FAM184B: variants seen among roughly 807,000 people sequenced by gnomAD.
FAM184B encodes protein FAM184B.
Under a neutral mutation model 135.9 loss-of-function variants are expected in FAM184B, and 111 were observed. The observed-to-expected ratio is 0.82, with a 90% CI of 0.70 to 0.96. The LOEUF (loss-of-function observed/expected upper bound fraction) is 0.96. Ranked by LOEUF, FAM184B falls within the 40% of genes least tolerant of loss-of-function variation. FAM184B has a pLI of 0.00. For synonymous variants in FAM184B, 552 were observed against 524.8 expected (o/e 1.05, Z -0.71); for missense variants, 1,375 against 1,323.9 (o/e 1.04, Z -0.60).
chr4:17,707,696 G>T lies in FAM184B; in HGVS notation c.983C>A (p.Ala328Asp). Residue 328 changes from alanine to aspartate, a missense_variant, in exon 3 of 18, where the codon GCC (alanine) becomes GAC (aspartate). Ala to Asp is a moderately radical substitution (Grantham distance 126). Coordinates refer to ENST00000265018, the MANE Select transcript of FAM184B (RefSeq NM_015688.2). ...AKKLGEKLAV[A>D]KDRMMLQECR... ...CTCCTGCAGCATCATTCTGTCTTTG[G>T]CAACAGCCAGCTTCTCCCCAAGTTT... is the stretch of plus-strand genomic sequence containing the variant. The T allele has an allele frequency of 6.4e-7, 1 of 1,551,776 alleles. No homozygotes were observed. The highest frequency in any genetic ancestry group is 2.4e-5 in the East Asian group (1 of 40,924).
intron 1 of FAM184B, among the ~76,000 whole-genome samples, chr4:17,723,939 G>T (rs1053212145): frequency 6.6e-6 from 1 of 152,080 alleles, no homozygotes; most frequent in South Asian, 2.1e-4. Context: ...CCAGTAGCAC[G>T]TCATCACATC....
intron 7 of FAM184B, 108 bp downstream of exon 7, chr4:17,688,316 G>T: frequency 1.3e-6 from 1 of 766,354 alleles, no homozygotes; most frequent in Non-Finnish European, 2.1e-6. Context: ...GTGTCGAGGA[G>T]AGATGTAAAA....
At chr4:17,682,931 T>C (rs1716482504) in intron 7 of FAM184B, among the ~76,000 whole-genome samples, 1 of 152,210 alleles carries the variant, frequency 6.6e-6, no homozygotes, top group Non-Finnish European at 1.5e-5. Flanking sequence ...GAAGTTGTCA[T>C]TTAATATCCT....
intron 1 of FAM184B, among the ~76,000 whole-genome samples, chr4:17,758,893 C>CTTAA (rs1347980021): frequency 4.0e-5 from 6 of 151,810 alleles, no homozygotes; most frequent in Admixed American, 6.6e-5. Context: ...ACCAAGTAAG[C>CTTAA]TTAACACAAA....
At position 17,780,866 on chromosome 4, in the gene FAM184B, G is replaced by GAC. The variant is rs113026642; in HGVS notation, c.141+291_141+292dup. ...TAGGCACTTGAGCAAAGCTGGCGGG[G>GAC]ACACACACACACACACGATTCACAT... On this transcript the variant is annotated intron_variant, in intron 1 of 17. Coordinates refer to ENST00000265018, the MANE Select transcript of FAM184B (RefSeq NM_015688.2). Among the ~76,000 whole-genome samples the GAC allele has an allele frequency of 5.0e-4, 75 of 151,448 alleles. 1 individual carries two copies. Among genetic ancestry groups the GAC allele is most frequent in the South Asian group, 4.8e-3 (23 of 4,808 alleles).
chr4:17,723,717 G>T (rs1432392380), intron 1 of FAM184B, among the ~76,000 whole-genome samples: 4 of 152,292 alleles, frequency 2.6e-5, no homozygotes, highest in Non-Finnish European at 4.4e-5. Context: ...AATGATTCCA[G>T]AAATGTCTAG....
At chr4:17,642,011 A>AGGGGGTGAGGGTGGCGCGGTGGCG in intron 13 of FAM184B, 45 bp downstream of exon 13, 1 of 1,046,646 alleles carries the variant, frequency 9.6e-7, no homozygotes, top group African/African-American at 3.1e-5. Flanking sequence ...GTGGCGGGGT[A>AGGGGGTGAGGGTGGCGCGGTGGCG]GGGGGTGAGG....
intron 7 of FAM184B, among the ~76,000 whole-genome samples, chr4:17,681,569 G>A (rs1716434365): frequency 6.6e-6 from 1 of 152,208 alleles, no homozygotes; most frequent in Non-Finnish European, 1.5e-5. Flanking sequence ...AGTTGTTTAA[G>A]AGCCTAGTGG....
rs148055666 is a variant in FAM184B, at chr4:17,728,815, C to T, written c.142-19171G>A. On this transcript the variant is annotated intron_variant, in intron 1 of 17. Transcript: ENST00000265018. The stretch of plus-strand genomic sequence containing the variant: ...AACAGCTCTGGTCTACAGCTCCCAG[C>T]GTGAGCGACACAGAAGACAGGTGAT... 4.5e-3 allele frequency among the ~76,000 whole-genome samples: 685 copies of T among 152,278 alleles called. 22 individuals are homozygous for T. The East Asian group carries it at 0.083, about 18-fold the overall frequency.
rs1719031404 is a variant in FAM184B at position 17,781,413 on chromosome 4, C to T, written c.-114G>A. 3.1e-6 allele frequency: 4 copies of T among 1,295,696 alleles called. No homozygotes were observed. Among genetic ancestry groups the T allele is most frequent in the African/African-American group, 3.1e-5 (2 of 64,834 alleles). 80.3% of individuals were successfully genotyped at this position (1,295,696 alleles called of 1,614,324 possible). On this transcript the variant is annotated 5_prime_UTR_variant, in exon 1 of 18. Transcript: ENST00000265018. This position sits in a 1 kb window ranked among gnomAD's most constrained non-coding sequence, Gnocchi z 6.5. ...GGGTTTCTCGGGAGAGGTGGCACTGCAGTCCCGTCGCCTGCACCGCCGCGT... is the reference window on the plus strand; with the variant it reads ...GGGTTTCTCGGGAGAGGTGGCACTGTAGTCCCGTCGCCTGCACCGCCGCGT...
intron 1 of FAM184B, among the ~76,000 whole-genome samples, chr4:17,747,389 C>G (rs193266092): frequency 2.0e-5 from 3 of 152,058 alleles, no homozygotes; most frequent in Non-Finnish European, 4.4e-5. Flanking sequence ...GGTTTAGCTC[C>G]GTTTCTGGCA....
intron 5 of FAM184B, among the ~76,000 whole-genome samples, chr4:17,694,614 GAT>G (rs1264140971): frequency 3.3e-5 from 5 of 152,138 alleles, no homozygotes; most frequent in African/African-American, 1.2e-4. Context: ...GAGTGAATGA[GAT>G]AGTCTGTTCC....
intron 10 of FAM184B, among the ~76,000 whole-genome samples, chr4:17,656,847 C>G (rs1715787835): frequency 6.6e-6 from 1 of 152,174 alleles, no homozygotes; most frequent in South Asian, 2.1e-4. Flanking sequence ...TCGGAGGCAG[C>G]CATTGTCAAC....
chr4:17,723,993 G>T (rs148958825), intron 1 of FAM184B, among the ~76,000 whole-genome samples: 137 of 152,108 alleles, frequency 9.0e-4, no homozygotes, highest in Non-Finnish European at 1.5e-3. Context: ...TCTTGTTCCA[G>T]GTTTGTTTCA....
intron 15 of FAM184B, among the ~76,000 whole-genome samples, chr4:17,635,720 G>A (rs987222419): frequency 6.6e-5 from 10 of 150,486 alleles, no homozygotes; most frequent in African/African-American, 2.4e-4. Flanking sequence ...CGTAGCAAAT[G>A]AGCAATAATT....
At chr4:17,703,929 C>A (rs371311541) in intron 5 of FAM184B, among the ~76,000 whole-genome samples, 172 of 139,822 alleles carry the variant, frequency 1.2e-3, no homozygotes, top group South Asian at 1.8e-3. Flanking sequence ...GACTCCGTTT[C>A]AAAAAAAAAA....
At position 17,633,667 on chromosome 4, in the gene FAM184B, C is replaced by CT. The variant is rs1299390898; in HGVS notation, c.3089+21dup. ...CTACAGGGAAATAGAATAAGGGCCCCTGTCCCCAACATCCCCCAAACCTTG... is the reference window on the plus strand; with the variant it reads ...CTACAGGGAAATAGAATAAGGGCCCCTTGTCCCCAACATCCCCCAAACCTTG... On this transcript the variant is annotated intron_variant, in intron 17 of 17. Transcript: ENST00000265018. 2.7e-6 allele frequency: 4 copies of CT among 1,488,308 alleles called. No individual in the cohort carries two copies. The African/African-American group carries it at 5.7e-5, about 21-fold the overall frequency. The allele number at this position is 1,488,308 out of a possible 1,614,324, so 92.2% of individuals were successfully genotyped here.
intron 7 of FAM184B, among the ~76,000 whole-genome samples, chr4:17,670,989 T>C (rs950981168): frequency 2.0e-5 from 3 of 152,178 alleles, no homozygotes; most frequent in East Asian, 1.9e-4. Flanking sequence ...AGAGGAGTAA[T>C]GTCAGCAACA....
intron 16 of FAM184B, among the ~76,000 whole-genome samples, chr4:17,634,698 A>G (rs907350492): frequency 2.6e-5 from 4 of 152,188 alleles, no homozygotes; most frequent in Non-Finnish European, 5.9e-5. Context: ...TCATTGTGAA[A>G]AATTCCAAAA....
Sources: gnomAD v4.1 joint callset for allele counts (sites outside exome capture counted in the v4.1 genomes callset) on GRCh38, gnomAD v4.1.1 for gene constraint, Gnocchi (gnomAD v3.1) non-coding constraint, MANE v1.5 for transcripts, NCBI Gene and HGNC (gene_info 2026-07-23, HGNC 2026-07-21) for gene names.